The following CTNNA2 variants were observed in gnomAD, a reference collection of about 807,000 sequenced individuals.
CTNNA2 encodes the protein catenin alpha-2.
In CTNNA2, 42 loss-of-function variants were observed where a neutral mutation model predicts 101.0. That is an observed-to-expected ratio of 0.42 (90% CI 0.32 to 0.54). The LOEUF is 0.54. CTNNA2 is among the 20% of genes least tolerant of loss of function. The pLI, the probability that CTNNA2 is intolerant of heterozygous loss-of-function variation, is 0.14. For missense variants in CTNNA2, 871 were observed against 1,223.1 expected, an observed-to-expected ratio of 0.71 and a Z score of 4.29; for synonymous variants, 450 against 456.4, an observed-to-expected ratio of 0.99 and a Z score of 0.18.
At chr2:80,439,573 A>AT (rs1047227854) in intron 9 of CTNNA2, among the ~76,000 whole-genome samples, 36 of 151,892 alleles carry the variant, frequency 2.4e-4, no homozygotes, top group African/African-American at 8.0e-4. Flanking sequence ...TAATTTTTGT[A>AT]TTTTTTTAGT....
intron 7 of CTNNA2, among the ~76,000 whole-genome samples, chr2:80,345,562 A>C: frequency 6.6e-6 from 1 of 152,124 alleles, no homozygotes; most frequent in East Asian, 1.9e-4. Context: ...TCCCAGAAGA[A>C]TGTAAGCTTC....
intron 7 of CTNNA2, among the ~76,000 whole-genome samples, chr2:79,983,541 G>A (rs1691544758): frequency 6.6e-6 from 1 of 152,108 alleles, no homozygotes; most frequent in Non-Finnish European, 1.5e-5. Context: ...ACTTGGAAAT[G>A]TGTTGCAGAC....
At chr2:80,507,703 C>T (rs1688382990) in intron 9 of CTNNA2, among the ~76,000 whole-genome samples, 2 of 152,124 alleles carry the variant, frequency 1.3e-5, no homozygotes, top group African/African-American at 2.4e-5. Flanking sequence ...TCGAATTTAG[C>T]ACTTAGACTG....
rs554519141 is a variant in CTNNA2, at chr2:79,487,079, T to A, written c.-134-17975T>A. Among the ~76,000 whole-genome samples the A allele has an allele frequency of 1.3e-4, 20 of 152,308 alleles. No individual in the cohort carries two copies. In the South Asian group the frequency reaches 4.1e-3, roughly 32 times the overall value. On this transcript the variant is annotated intron_variant, in intron 4 of 21. Coordinates refer to the CTNNA2 transcript ENST00000466387. ...AAAACTACTAATGCTTTTTAAAAAA[T>A]TTAGCCCTATAATTCCAAAGCAGTT... is the stretch of plus-strand genomic sequence containing the variant.
intron 7 of CTNNA2, among the ~76,000 whole-genome samples, chr2:79,989,387 C>T (rs1457299722): frequency 1.3e-5 from 2 of 152,158 alleles, no homozygotes; most frequent in African/African-American, 4.8e-5. Context: ...CTTTGGCAGG[C>T]TGTAGTGGGT....
At chr2:79,364,585 G>A (rs1233494148) in intron 3 of CTNNA2, among the ~76,000 whole-genome samples, 1 of 152,156 alleles carries the variant, frequency 6.6e-6, no homozygotes, top group Admixed American at 6.5e-5. Context: ...GGGAATTTGG[G>A]TCATCTTTTG....
At chr2:79,652,718 T>A (rs1157660) in intron 2 of CTNNA2, among the ~76,000 whole-genome samples, 80,126 of 151,900 alleles carry the variant, frequency 0.53, 21,378 homozygotes, top group East Asian at 0.71. Context: ...TCCAGGGATT[T>A]GGATGGAGTT....
At chr2:79,861,091 G>C (rs943136002) in intron 4 of CTNNA2, among the ~76,000 whole-genome samples, 1 of 152,070 alleles carries the variant, frequency 6.6e-6, no homozygotes, top group African/African-American at 2.4e-5. Context: ...ATAAAACATA[G>C]ATGAGAAAGA....
intron 7 of CTNNA2, among the ~76,000 whole-genome samples, chr2:79,925,390 T>G (rs1816611): frequency 0.44 from 67,442 of 151,816 alleles, 15,649 homozygotes; most frequent in East Asian, 0.59. Flanking sequence ...ACAAGAGAAA[T>G]ATACATGAAA....
chr2:80,183,472 T>C (rs1433465227), intron 7 of CTNNA2, among the ~76,000 whole-genome samples: 1 of 152,214 alleles, frequency 6.6e-6, no homozygotes, highest in Non-Finnish European at 1.5e-5. Flanking sequence ...AATATTTTCC[T>C]AATATTCCTC....
intron 2 of CTNNA2, among the ~76,000 whole-genome samples, chr2:79,700,272 A>T (rs1170469699): frequency 7.9e-5 from 12 of 152,176 alleles, no homozygotes; most frequent in Admixed American, 7.9e-4. Context: ...AAATTTTAAC[A>T]CTATGACTTG....
chr2:79,801,583 C>T lies in CTNNA2; in HGVS notation c.299-56430C>T, dbSNP rs199883251. On this transcript the variant is annotated intron_variant, in intron 3 of 18. Coordinates refer to ENST00000402739, the MANE Select transcript of CTNNA2 (RefSeq NM_001282597.3). ...AGATTCCCAGCAGTAGCAGTGCATA[C>T]GGGGGCTCACAGACCCACTCTATGT... Among the ~76,000 whole-genome samples, 11 of 151,854 alleles carry T rather than the reference C, an allele frequency of 7.2e-5. No individual in the cohort carries two copies. In the South Asian group the frequency reaches 1.0e-3, roughly 14 times the overall value.
chr2:80,183,151 C>A (rs931447397), intron 7 of CTNNA2, among the ~76,000 whole-genome samples: 1 of 152,058 alleles, frequency 6.6e-6, no homozygotes, highest in Non-Finnish European at 1.5e-5. Context: ...TCAATAGATC[C>A]CCCCAGACAC....
chr2:79,429,292 G>C (rs929608295), intron 4 of CTNNA2, among the ~76,000 whole-genome samples: 1 of 151,640 alleles, frequency 6.6e-6, no homozygotes, highest in African/African-American at 2.4e-5. Flanking sequence ...CCAGTTTTTA[G>C]GTCTATGACT....
intron 7 of CTNNA2, among the ~76,000 whole-genome samples, chr2:80,047,198 T>C (rs993363911): frequency 2.0e-5 from 3 of 152,234 alleles, no homozygotes; most frequent in Non-Finnish European, 4.4e-5. Context: ...AGGCTTACAC[T>C]GTCCAATCCA....
At chr2:79,486,915 A>T (rs916448408) in intron 4 of CTNNA2, among the ~76,000 whole-genome samples, 1 of 152,252 alleles carries the variant, frequency 6.6e-6, no homozygotes, top group Non-Finnish European at 1.5e-5. Flanking sequence ...TCTGTTTTGT[A>T]GCAACAATAC....
chr2:79,300,945 A>T (rs965109731), intron 2 of CTNNA2, among the ~76,000 whole-genome samples: 1 of 152,118 alleles, frequency 6.6e-6, no homozygotes, highest in Non-Finnish European at 1.5e-5. Flanking sequence ...TCTGTCTCAC[A>T]CTTTGACCTG....
intron 2 of CTNNA2, among the ~76,000 whole-genome samples, chr2:79,219,814 T>G (rs2104218742): frequency 6.6e-6 from 1 of 152,322 alleles, no homozygotes; most frequent in East Asian, 1.9e-4. Context: ...AGAATAAGTG[T>G]GTCTTTGCCA....
chr2:79,981,499 A>T (rs554647528), intron 7 of CTNNA2, among the ~76,000 whole-genome samples: 1 of 152,220 alleles, frequency 6.6e-6, no homozygotes, highest in East Asian at 1.9e-4. Context: ...TACCATGAAA[A>T]TAGGAAAGAA....
Sources: allele counts gnomAD v4.1 joint callset (sites outside exome capture counted in the v4.1 genomes callset), GRCh38; gene constraint gnomAD v4.1.1; transcripts MANE v1.5; gene names NCBI Gene and HGNC (gene_info 2026-07-23, HGNC 2026-07-21).